The following GGA1 variants were observed in gnomAD, a reference collection of about 807,000 sequenced individuals.
The protein encoded by GGA1 is ADP-ribosylation factor-binding protein GGA1.
In GGA1, 18 loss-of-function variants were observed where a neutral mutation model predicts 76.9. The ratio of observed to expected loss-of-function variants is 0.23; its 90% CI spans 0.16 to 0.35. GGA1 has a LOEUF of 0.35. GGA1 is among the 10% of genes least tolerant of loss of function. The probability of loss-of-function intolerance (pLI) is 1.00; values close to 1 mark genes in which losing one functional copy is unlikely to be tolerated. For missense variants in GGA1, 755 were observed against 859.0 expected (o/e 0.88, Z 1.51); for synonymous variants, 342 against 354.7 (o/e 0.96, Z 0.40).
At position 37,623,452 on chromosome 22, in the gene GGA1, C is replaced by T. The variant is rs374211399; in HGVS notation, c.735C>T (p.Ser245=). The T allele has an allele frequency of 1.6e-5, 26 of 1,614,042 alleles. 1 individual carries two copies. In the South Asian group the frequency reaches 2.5e-4, roughly 16 times the overall value. ...HSQGGAAAGS[S]EDLMKELYQR... ...AGGGCGGCGCAGCAGCTGGCAGCAG[C>T]GAGGACCTCATGAAGGTGCACCTGC... The change falls in exon 8 of 17, where the codon AGC becomes AGT. Residue 245 remains serine, a synonymous_variant. Transcript: ENST00000343632. The surrounding 1 kb of genome is among the most constrained non-coding windows in gnomAD (Gnocchi z 4.6).
intron 2 of GGA1, among the ~76,000 whole-genome samples, chr22:37,614,610 T>G (rs1302645825): frequency 1.3e-5 from 2 of 152,224 alleles, no homozygotes; most frequent in African/African-American, 4.8e-5. Flanking sequence ...GAGGGAGAAC[T>G]GCATGTTCCC....
chr22:37,627,642 G>A (rs560959280), intron 11 of GGA1, among the ~76,000 whole-genome samples: 1 of 152,352 alleles, frequency 6.6e-6, no homozygotes, highest in Non-Finnish European at 1.5e-5. Context: ...GCCAGCAGCT[G>A]CAGCACCACC....
intron 1 of GGA1, among the ~76,000 whole-genome samples, chr22:37,613,779 G>A (rs569687851): frequency 1.3e-4 from 20 of 152,150 alleles, no homozygotes; most frequent in Admixed American, 3.9e-4. Context: ...CCCACTTCCC[G>A]GCTACACAGC....
rs1356328567 is a variant in GGA1 at position 37,623,277 on chromosome 22, C to T, written c.610-50C>T. 3.2e-6 allele frequency: 5 copies of T among 1,578,560 alleles called. No individual in the cohort carries two copies. In the South Asian group the frequency reaches 5.5e-5, roughly 17 times the overall value. On this transcript the variant is annotated intron_variant, in intron 7 of 16. Coordinates refer to ENST00000343632, the MANE Select transcript of GGA1 (RefSeq NM_013365.5). This position sits in a 1 kb window ranked among gnomAD's most constrained non-coding sequence, Gnocchi z 4.6. Reference sequence around the variant, plus strand: ...TTCTCTCAAGTGGCAGGGGGCAGTGCCTCGTCCAGGCCAAAGGTTCTCAGG... The same window carrying T: ...TTCTCTCAAGTGGCAGGGGGCAGTGTCTCGTCCAGGCCAAAGGTTCTCAGG...
rs750534264 is a variant in GGA1 at position 37,629,536 on chromosome 22, G to C, written c.1158+10G>C. 6.5e-7 allele frequency: 1 copy of C among 1,549,446 alleles called. No individual in the cohort carries two copies. The highest frequency in any genetic ancestry group is 8.7e-7 in the Non-Finnish European group (1 of 1,143,468). On this transcript the variant is annotated intron_variant, in intron 12 of 16. Coordinates refer to ENST00000343632, the MANE Select transcript of GGA1 (RefSeq NM_013365.5). Reference sequence around the variant, plus strand: ...ATGGAACAGCTTCCAGGTAGGAGGGGACCACAAACTAGTCTGGCCTGTCCC... The same window carrying C: ...ATGGAACAGCTTCCAGGTAGGAGGGCACCACAAACTAGTCTGGCCTGTCCC...
intron 5 of GGA1, 25 bp from the exon 6 acceptor site, chr22:37,620,781 TTGACAGC>T: frequency 7.4e-7 from 1 of 1,349,002 alleles, no homozygotes; most frequent in Non-Finnish European, 1.1e-6. Context: ...CTGGGACATA[TTGACAGC>T]CTTTCTGACA....
intron 2 of GGA1, among the ~76,000 whole-genome samples, chr22:37,615,637 G>A (rs563072243): frequency 2.5e-4 from 38 of 151,106 alleles, no homozygotes; most frequent in African/African-American, 8.7e-4. Context: ...GGTGGTGTGC[G>A]CCTGTAGTCC....
intron 1 of GGA1, among the ~76,000 whole-genome samples, chr22:37,612,289 C>T (rs1375157662): frequency 6.7e-6 from 1 of 150,170 alleles, no homozygotes; most frequent in South Asian, 2.1e-4. Flanking sequence ...ACAGTGAAAC[C>T]CCGTCTCTAC....
chr22:37,629,417 C>G, intron 11 of GGA1, 45 bp from the exon 12 acceptor site: 1 of 1,405,008 alleles, frequency 7.1e-7, no homozygotes, highest in Non-Finnish European at 9.9e-7. Context: ...CTGGCCTCTG[C>G]AGGGTCAGCC....
rs767431161 is a variant in GGA1 at position 37,623,668 on chromosome 22, C to G, written c.832+35C>G. 9 of 1,373,388 alleles carry G rather than the reference C, an allele frequency of 6.6e-6. No individual in the cohort carries two copies. Among genetic ancestry groups the G allele is most frequent in the Non-Finnish European group, 8.1e-6 (8 of 985,380 alleles). 85.1% of individuals were successfully genotyped at this position (1,373,388 alleles called of 1,614,324 possible). A position where few individuals can be genotyped will look rare whatever the true frequency, so the allele number is the denominator to read the frequency against. On this transcript the variant is annotated intron_variant, in intron 9 of 16. Coordinates refer to ENST00000343632, the MANE Select transcript of GGA1 (RefSeq NM_013365.5). The surrounding 1 kb of genome is among the most constrained non-coding windows in gnomAD (Gnocchi z 4.6). Reference sequence around the variant, plus strand: ...GGGCAGGTGCTGAGGTCAGGTCCCCCCCTCTCCCTCCACCTCCTGCCCCCA... The same window carrying G: ...GGGCAGGTGCTGAGGTCAGGTCCCCGCCTCTCCCTCCACCTCCTGCCCCCA...
At position 37,633,495 on chromosome 22, in the gene GGA1, G is replaced by A. The variant is rs1186076101; in HGVS notation, c.*784G>A. The A allele has an allele frequency of 6.6e-6, 1 of 152,206 alleles. No homozygotes were observed. The allele number at this position is 152,206 out of a possible 1,614,324, so 9.4% of individuals were successfully genotyped here. ...ACGTCTGTCCATCCATCTGTCCGTG[G>A]TCAGAAGTGGGGTCAGTGTGTGAGT... On this transcript the variant is annotated 3_prime_UTR_variant, in exon 17 of 17. Coordinates refer to ENST00000343632, the MANE Select transcript of GGA1 (RefSeq NM_013365.5).
At chr22:37,629,333 G>C in intron 11 of GGA1, 129 bp from the exon 12 acceptor site, 2 of 634,982 alleles carry the variant, frequency 3.1e-6, no homozygotes, top group Non-Finnish European at 5.5e-6. Flanking sequence ...TGAAAATGTG[G>C]GTTTCTCCCC....
At chr22:37,622,776 A>G (rs1442692010) in intron 7 of GGA1, among the ~76,000 whole-genome samples, 2 of 151,826 alleles carry the variant, frequency 1.3e-5, no homozygotes, top group Non-Finnish European at 2.9e-5. Flanking sequence ...GCCACTTTTC[A>G]CTCTGCAAAG....
chr22:37,629,536 G>A lies in GGA1; in HGVS notation c.1158+10G>A, dbSNP rs750534264. The A allele has an allele frequency of 2.0e-5, 31 of 1,549,446 alleles. No homozygotes were observed. Among genetic ancestry groups the A allele is most frequent in the Non-Finnish European group, 2.6e-5 (30 of 1,143,468 alleles). ...ATGGAACAGCTTCCAGGTAGGAGGG[G>A]ACCACAAACTAGTCTGGCCTGTCCC... On this transcript the variant is annotated intron_variant, in intron 12 of 16. Transcript: ENST00000343632.
rs1929221664 is a variant in GGA1, at chr22:37,618,430, TC to T, written c.205-12del. Reference sequence around the variant, plus strand: ...TGATGCACCTGGGCGTCCCCTCCCATCCCCCCTCCCTGCACAGGTGCTGGAA... The same window carrying T: ...TGATGCACCTGGGCGTCCCCTCCCATCCCCCTCCCTGCACAGGTGCTGGAA... On this transcript the variant is annotated splice_polypyrimidine_tract_variant and intron_variant, in intron 3 of 16. Transcript: ENST00000343632. 1.7e-5 allele frequency: 24 copies of T among 1,432,040 alleles called. No homozygotes were observed. Among genetic ancestry groups the T allele is most frequent in the East Asian group, 4.6e-5 (2 of 43,468 alleles). The allele number at this position is 1,432,040 out of a possible 1,614,324, so 88.7% of individuals were successfully genotyped here.
At position 37,620,919 on chromosome 22, in the gene GGA1, A is replaced by C; in HGVS notation, c.528+6A>C. The C allele has an allele frequency of 1.3e-6, 2 of 1,566,946 alleles. No homozygotes were observed. ...AAGATGAGGAGAAATCCAAGGTGAG[A>C]CTCCAAGGAGGCACATATGGGGACT... On this transcript the variant is annotated splice_donor_region_variant and intron_variant, in intron 6 of 16. Coordinates refer to ENST00000343632, the MANE Select transcript of GGA1 (RefSeq NM_013365.5).
intron 3 of GGA1, chr22:37,618,102 A>G (rs1362265617): frequency 5.6e-6 from 1 of 178,498 alleles, no homozygotes; most frequent in Non-Finnish European, 1.2e-5. Context: ...AACCTGGGCA[A>G]CAAGAGTGAA....
chr22:37,631,227 C>T, intron 14 of GGA1, 128 bp downstream of exon 14: 1 of 694,150 alleles, frequency 1.4e-6, no homozygotes, highest in Admixed American at 3.5e-5. Context: ...CAGAGGGGAG[C>T]TCTGAACAAG....
chr22:37,632,713 A>C lies in GGA1; in HGVS notation c.*2A>C. The C allele has an allele frequency of 6.5e-7, 1 of 1,537,940 alleles. No homozygotes were observed. Among genetic ancestry groups the C allele is most frequent in the Non-Finnish European group, 8.9e-7 (1 of 1,117,622 alleles). On this transcript the variant is annotated 3_prime_UTR_variant, in exon 17 of 17. Transcript: ENST00000343632. The surrounding 1 kb of genome is among the most constrained non-coding windows in gnomAD (Gnocchi z 5.1). ...CCTGAAACCTGGGGTAGCCTCTAGAACAGAGGGGCTGGGGAGAGGAAGGGG... is the reference window on the plus strand; with the variant it reads ...CCTGAAACCTGGGGTAGCCTCTAGACCAGAGGGGCTGGGGAGAGGAAGGGG...
Sources: allele counts gnomAD v4.1 joint callset (sites outside exome capture counted in the v4.1 genomes callset), GRCh38; gene constraint gnomAD v4.1.1; non-coding constraint Gnocchi (gnomAD v3.1); transcripts MANE v1.5; gene names NCBI Gene and HGNC (gene_info 2026-07-23, HGNC 2026-07-21).